Variants in SLCO6A1 observed in about 807,000 individuals in gnomAD.
The protein encoded by SLCO6A1 is solute carrier organic anion transporter family member 6A1.
SLCO6A1 carries 65 observed loss-of-function variants against 72.7 expected under a neutral mutation model. The ratio of observed to expected loss-of-function variants is 0.89; its 90% confidence interval spans 0.73 to 1.10. SLCO6A1 has a LOEUF of 1.10. Ranked by LOEUF, SLCO6A1 falls within the 50% of genes least tolerant of loss-of-function variation. The pLI, the probability that SLCO6A1 is intolerant of heterozygous loss-of-function variation, is 0.00. For synonymous variants in SLCO6A1, 314 were observed against 298.2 expected (o/e 1.05, Z -0.55); for missense variants, 874 against 872.6 (o/e 1.00, Z -0.02).
chr5:102,394,093 C>A (rs1746925323), intron 10 of SLCO6A1, among the ~76,000 whole-genome samples: 1 of 152,074 alleles, frequency 6.6e-6, no homozygotes, highest in Non-Finnish European at 1.5e-5. Flanking sequence ...GTTTTAGATG[C>A]CCAGTTCACC....
At position 102,383,095 on chromosome 5, in the gene SLCO6A1, A is replaced by ATATATATATATATATATATATAT. The variant is rs1554064835; in HGVS notation, c.2017+5592_2017+5593insATATATATATATATATATATATA. On this transcript the variant is annotated intron_variant, in intron 12 of 13. Transcript: ENST00000506729. ...TATATAGTGTATGTATATGTGTGTGAATATATATATATATAGTGTTTTATA... is the reference window on the plus strand; with the variant it reads ...TATATAGTGTATGTATATGTGTGTGATATATATATATATATATATATATATATATATATATATAGTGTTTTATA... Among the ~76,000 whole-genome samples the ATATATATATATATATATATATAT allele has an allele frequency of 9.2e-3, 1,178 of 128,466 alleles. 14 individuals are homozygous for ATATATATATATATATATATATAT. The highest frequency in any genetic ancestry group is 0.016 in the African/African-American group (528 of 33,178). 84.3% of individuals were successfully genotyped at this position (128,466 alleles called of 152,430 possible).
chr5:102,435,646 G>A (rs1031829937), intron 7 of SLCO6A1, among the ~76,000 whole-genome samples: 5 of 152,156 alleles, frequency 3.3e-5, no homozygotes, highest in African/African-American at 4.8e-5. Flanking sequence ...AGGCCAAGGC[G>A]GGCAGATCAC....
chr5:102,413,411 T>TAA (rs200887916), intron 8 of SLCO6A1, among the ~76,000 whole-genome samples: 1 of 149,042 alleles, frequency 6.7e-6, no homozygotes, highest in East Asian at 2.0e-4. Flanking sequence ...AACATAATAA[T>TAA]AAAAAAAAAA....
chr5:102,417,276 C>CT (rs909108530), intron 8 of SLCO6A1, among the ~76,000 whole-genome samples: 31 of 146,562 alleles, frequency 2.1e-4, no homozygotes, highest in South Asian at 4.4e-4. Flanking sequence ...GTTGGGTCTT[C>CT]TTTTTTTTTT....
intron 1 of SLCO6A1, among the ~76,000 whole-genome samples, chr5:102,494,415 C>T (rs987314967): frequency 3.9e-5 from 6 of 152,092 alleles, no homozygotes; most frequent in Non-Finnish European, 5.9e-5. Context: ...TCATTTAAAA[C>T]ATTAATAAAT....
At chr5:102,449,455 C>T (rs899159502) in intron 6 of SLCO6A1, among the ~76,000 whole-genome samples, 1 of 151,542 alleles carries the variant, frequency 6.6e-6, no homozygotes, top group African/African-American at 2.4e-5. Context: ...GGCACAATCT[C>T]GGCTCACTGC....
chr5:102,496,915 G>A (rs553272420), intron 1 of SLCO6A1, among the ~76,000 whole-genome samples: 1 of 152,200 alleles, frequency 6.6e-6, no homozygotes, highest in South Asian at 2.1e-4. Context: ...TTTCATTCTG[G>A]CTTTCAAAAC....
chr5:102,498,590 C>CA lies in SLCO6A1; in HGVS notation c.254dup (p.Leu85PhefsTer16), dbSNP rs1753018191. The CA allele has an allele frequency of 6.2e-7, 1 of 1,614,146 alleles. No individual in the cohort carries two copies. The highest frequency in any genetic ancestry group is 1.3e-5 in the African/African-American group (1 of 74,954). On this transcript the variant is annotated frameshift_variant, in exon 1 of 14. Transcript: ENST00000506729. LOFTEE classifies it high-confidence loss of function. ...AGCAGCCCAAACCACAGGGCTGCTCCAAACTGTCATCCACTTCTCCCGGCT... is the reference window on the plus strand; with the variant it reads ...AGCAGCCCAAACCACAGGGCTGCTCCAAAACTGTCATCCACTTCTCCCGGCT...
At chr5:102,428,165 G>C (rs967376301) in intron 7 of SLCO6A1, among the ~76,000 whole-genome samples, 1 of 151,244 alleles carries the variant, frequency 6.6e-6, no homozygotes, top group Non-Finnish European at 1.5e-5. Flanking sequence ...CACCATATCT[G>C]GCCAGAAACT....
intron 9 of SLCO6A1, among the ~76,000 whole-genome samples, chr5:102,400,598 C>T (rs1460705439): frequency 6.6e-6 from 1 of 151,470 alleles, no homozygotes; most frequent in Non-Finnish European, 1.5e-5. Context: ...GACCAGTTCG[C>T]AATTTATTAA....
chr5:102,437,928 T>G (rs1749632699), intron 7 of SLCO6A1, among the ~76,000 whole-genome samples: 1 of 152,170 alleles, frequency 6.6e-6, no homozygotes, highest in Non-Finnish European at 1.5e-5. Flanking sequence ...TTAAAACATT[T>G]AATTCCATTT....
chr5:102,435,519 T>C (rs938728059), intron 7 of SLCO6A1, among the ~76,000 whole-genome samples: 1 of 152,082 alleles, frequency 6.6e-6, no homozygotes, highest in Non-Finnish European at 1.5e-5. Flanking sequence ...TTTGAGTATA[T>C]AAGGTAGCAG....
intron 12 of SLCO6A1, 79 bp from the exon 13 acceptor site, chr5:102,373,573 G>A: frequency 9.7e-7 from 1 of 1,031,690 alleles, no homozygotes; most frequent in East Asian, 3.0e-5. Context: ...ATTTACCAAA[G>A]AAAGGTAAGC....
intron 9 of SLCO6A1, among the ~76,000 whole-genome samples, chr5:102,409,655 C>G (rs750005032): frequency 6.6e-6 from 1 of 152,028 alleles, no homozygotes; most frequent in Non-Finnish European, 1.5e-5. Context: ...TCTTTCATAT[C>G]GATTTTATTC....
chr5:102,440,641 T>C (rs975285225), intron 6 of SLCO6A1, among the ~76,000 whole-genome samples: 23 of 152,178 alleles, frequency 1.5e-4, no homozygotes, highest in African/African-American at 5.6e-4. Flanking sequence ...TGTCAAAATG[T>C]TGGGGACTGC....
chr5:102,468,662 T>G (rs1451167089), intron 4 of SLCO6A1, among the ~76,000 whole-genome samples: 1 of 152,068 alleles, frequency 6.6e-6, no homozygotes, highest in African/African-American at 2.4e-5. Context: ...CCTGCTCACT[T>G]TTAGTTACCA....
intron 10 of SLCO6A1, among the ~76,000 whole-genome samples, chr5:102,393,079 CT>C (rs1746858604): frequency 6.6e-6 from 1 of 152,172 alleles, no homozygotes. Flanking sequence ...TTTCATATCT[CT>C]TTTTTTATCT....
intron 1 of SLCO6A1, among the ~76,000 whole-genome samples, chr5:102,487,192 T>C (rs574550140): frequency 2.0e-5 from 3 of 152,222 alleles, no homozygotes; most frequent in Admixed American, 6.5e-5. Flanking sequence ...GCTGCATGTG[T>C]TATCTTTTTC....
At position 102,399,552 on chromosome 5, in the gene SLCO6A1, T is replaced by A. The variant is rs1394092692; in HGVS notation, c.1814+3A>T. On this transcript the variant is annotated splice_donor_region_variant and intron_variant, in intron 10 of 13. Transcript: ENST00000506729. The stretch of plus-strand genomic sequence containing the variant: ...ACAATAATAATGAGTAATATATACA[T>A]ACCGCGTCATGGCCAAGACGATTGG... 6.6e-7 allele frequency: 1 copy of A among 1,522,528 alleles called. No homozygotes were observed. The highest frequency in any genetic ancestry group is 8.8e-7 in the Non-Finnish European group (1 of 1,130,378). 94.3% of individuals were successfully genotyped at this position (1,522,528 alleles called of 1,614,324 possible).
Sources: gnomAD v4.1 joint callset for allele counts (sites outside exome capture counted in the v4.1 genomes callset) on GRCh38, gnomAD v4.1.1 for gene constraint, MANE v1.5 for transcripts, NCBI Gene and HGNC (gene_info 2026-07-23, HGNC 2026-07-21) for gene names.